Variants in GUCY1A2 observed in about 807,000 individuals in gnomAD.
GUCY1A2 encodes guanylate cyclase soluble subunit alpha-2.
GUCY1A2 carries 27 observed loss-of-function variants against 63.5 expected under a neutral mutation model. The ratio of observed to expected loss-of-function variants is 0.43; its 90% CI spans 0.31 to 0.59. The LOEUF is 0.59. Ranked by LOEUF, GUCY1A2 falls within the 20% of genes least tolerant of loss-of-function variation. GUCY1A2 has a pLI of 0.11. For synonymous variants in GUCY1A2, 364 were observed against 343.5 expected (o/e 1.06, Z -0.66); for missense variants, 768 against 913.3 (o/e 0.84, Z 2.05).
chr11:106,963,256 G>T (rs552549469), intron 3 of GUCY1A2, among the ~76,000 whole-genome samples: 1 of 152,246 alleles, frequency 6.6e-6, no homozygotes, highest in Non-Finnish European at 1.5e-5. Context: ...GATTGATGAG[G>T]CTTCTGAATT....
At chr11:106,778,965 CTGT>C (rs1458736003) in intron 5 of GUCY1A2, among the ~76,000 whole-genome samples, 1 of 151,968 alleles carries the variant, frequency 6.6e-6, no homozygotes, top group East Asian at 1.9e-4. Context: ...ATAAAATATT[CTGT>C]TATTTTTAAT....
intron 4 of GUCY1A2, among the ~76,000 whole-genome samples, chr11:106,926,609 A>G (rs1310389183): frequency 2.6e-5 from 4 of 152,038 alleles, no homozygotes; most frequent in African/African-American, 9.7e-5. Flanking sequence ...TAGCAGATAG[A>G]CATACACTCT....
chr11:106,731,011 A>C (rs1025073566), intron 6 of GUCY1A2, among the ~76,000 whole-genome samples: 2 of 151,988 alleles, frequency 1.3e-5, no homozygotes, highest in African/African-American at 4.8e-5. Context: ...CAGATTCCAG[A>C]TATTAGACCT....
intron 4 of GUCY1A2, among the ~76,000 whole-genome samples, chr11:106,900,033 C>CTAAGATCA (rs1860107495): frequency 6.8e-6 from 1 of 146,244 alleles, no homozygotes; most frequent in African/African-American, 2.5e-5. Flanking sequence ...TTGCAGTGAG[C>CTAAGATCA]TAAGATCAGG....
At chr11:106,805,247 C>G (rs1456692006) in intron 5 of GUCY1A2, among the ~76,000 whole-genome samples, 2 of 60,770 alleles carry the variant, frequency 3.3e-5, no homozygotes, top group African/African-American at 6.3e-5. Context: ...TTATCACTAA[C>G]ATTTTTTTTT....
intron 4 of GUCY1A2, among the ~76,000 whole-genome samples, chr11:106,922,877 T>C (rs1374838452): frequency 6.6e-6 from 1 of 151,728 alleles, no homozygotes; most frequent in Non-Finnish European, 1.5e-5. Flanking sequence ...AACTGAACCC[T>C]GACTGAATAT....
chr11:106,838,649 C>A (rs1859149706), intron 4 of GUCY1A2, among the ~76,000 whole-genome samples: 2 of 151,934 alleles, frequency 1.3e-5, no homozygotes, highest in Admixed American at 6.6e-5. Context: ...TTCTGGGTTT[C>A]TTCGTGATTT....
intron 4 of GUCY1A2, chr11:106,827,047 G>A: frequency 1.9e-6 from 3 of 1,581,840 alleles, no homozygotes; most frequent in Non-Finnish European, 1.7e-6. Flanking sequence ...ATGGTCTCTT[G>A]GAAAAGTGAA....
intron 2 of GUCY1A2, among the ~76,000 whole-genome samples, chr11:106,981,056 T>C (rs1331540351): frequency 1.3e-5 from 2 of 152,214 alleles, no homozygotes; most frequent in Non-Finnish European, 2.9e-5. Flanking sequence ...TCCTCAAACA[T>C]AGTAAGCAAT....
intron 3 of GUCY1A2, among the ~76,000 whole-genome samples, chr11:106,961,987 C>T (rs77247615): frequency 0.021 from 3,154 of 152,282 alleles, 119 homozygotes; most frequent in African/African-American, 0.072. Flanking sequence ...TGTTTCACTA[C>T]TCAGAACTAT....
chr11:106,880,762 T>C (rs531197730), intron 4 of GUCY1A2, among the ~76,000 whole-genome samples: 28 of 152,206 alleles, frequency 1.8e-4, no homozygotes, highest in African/African-American at 5.8e-4. Context: ...GCATTGTGAA[T>C]CCACAAGGGA....
At chr11:107,000,371 T>A (rs563893282) in intron 1 of GUCY1A2, among the ~76,000 whole-genome samples, 1 of 152,114 alleles carries the variant, frequency 6.6e-6, no homozygotes, top group East Asian at 1.9e-4. Flanking sequence ...GGAATTACAA[T>A]AGTCTGTATC....
intron 4 of GUCY1A2, among the ~76,000 whole-genome samples, chr11:106,812,811 T>C (rs1169751694): frequency 5.9e-5 from 9 of 151,944 alleles, no homozygotes; most frequent in Admixed American, 5.9e-4. Context: ...AAAATGTTGT[T>C]GATTGCCTAC....
At chr11:106,978,858 A>G (rs1315870463) in intron 2 of GUCY1A2, 118 bp from the exon 3 acceptor site, 1 of 639,240 alleles carries the variant, frequency 1.6e-6, no homozygotes, top group Non-Finnish European at 2.7e-6. Flanking sequence ...ACATTTTAAA[A>G]TAAGTGAAGC....
intron 5 of GUCY1A2, among the ~76,000 whole-genome samples, chr11:106,802,298 A>G (rs377174992): frequency 6.6e-5 from 10 of 152,312 alleles, no homozygotes; most frequent in African/African-American, 2.4e-4. Flanking sequence ...GTAGTGGCAA[A>G]GATAAATGAG....
At chr11:106,908,180 G>C (rs1860239409) in intron 4 of GUCY1A2, among the ~76,000 whole-genome samples, 2 of 151,970 alleles carry the variant, frequency 1.3e-5, no homozygotes, top group African/African-American at 4.8e-5. Context: ...AATCTTAAAA[G>C]AGAAAGGAAA....
intron 6 of GUCY1A2, among the ~76,000 whole-genome samples, chr11:106,762,576 A>C (rs936735760): frequency 6.6e-6 from 1 of 152,080 alleles, no homozygotes. Flanking sequence ...TATGAAGAAA[A>C]TTATTTTCTG....
chr11:106,868,539 C>G (rs1401914239), intron 4 of GUCY1A2, among the ~76,000 whole-genome samples: 1 of 152,036 alleles, frequency 6.6e-6, no homozygotes, highest in South Asian at 2.1e-4. Context: ...CCTAGGAATC[C>G]AACTTACAAG....
chr11:106,990,356 A>G (rs966000707), intron 1 of GUCY1A2, among the ~76,000 whole-genome samples: 3 of 152,248 alleles, frequency 2.0e-5, no homozygotes, highest in Admixed American at 2.0e-4. Flanking sequence ...CACAGACTAA[A>G]TGTTATGCTC....
Sources: allele counts gnomAD v4.1 joint callset (sites outside exome capture counted in the v4.1 genomes callset), GRCh38; gene constraint gnomAD v4.1.1; transcripts MANE v1.5; gene names NCBI Gene and HGNC (gene_info 2026-07-23, HGNC 2026-07-21).